The following MDGA2 variants were observed in gnomAD, a reference collection of about 807,000 sequenced individuals.
The protein encoded by MDGA2 is MAM domain containing glycosylphosphatidylinositol anchor 2.
A neutral mutation model predicts 117.8 loss-of-function variants in MDGA2; 40 were observed. The observed-to-expected ratio is 0.34, with a 90% CI of 0.26 to 0.44. MDGA2 has a LOEUF of 0.44. Among genes scored for constraint, MDGA2 ranks in the 20% least tolerant of loss-of-function variants. MDGA2 has a pLI of 1.00. For missense variants in MDGA2, 1,123 were observed against 1,250.6 expected, an observed-to-expected ratio of 0.90 and a Z score of 1.54; for synonymous variants, 452 against 439.0, an observed-to-expected ratio of 1.03 and a Z score of -0.37.
At chr14:47,308,498 G>A (rs1359191204) in intron 1 of MDGA2, among the ~76,000 whole-genome samples, 1 of 107,396 alleles carries the variant, frequency 9.3e-6, no homozygotes. Context: ...CTCTCTTTCT[G>A]TTAGTTTTTT....
In MDGA2 at chr14:47,624,648, G is replaced by T. The variant is rs77335210; in HGVS notation, c.280+49869C>A. Among the ~76,000 whole-genome samples, 51 of 152,176 alleles carry T rather than the reference G, an allele frequency of 3.4e-4. No individual in the cohort carries two copies. In the East Asian group the frequency reaches 9.7e-3, roughly 29 times the overall value. ...TTTTTAAGCTCCAGGCTGTAAGATA[G>T]ATGGCAAATAATTTCCCTATATGCT... On this transcript the variant is annotated intron_variant, in intron 1 of 16. Coordinates refer to ENST00000399232, the MANE Select transcript of MDGA2 (RefSeq NM_001113498.3).
At chr14:47,591,776 C>T (rs1390239660) in intron 1 of MDGA2, among the ~76,000 whole-genome samples, 1 of 152,076 alleles carries the variant, frequency 6.6e-6, no homozygotes, top group Non-Finnish European at 1.5e-5. Context: ...ATTGATGTAA[C>T]ATATGTCAAA....
chr14:47,108,791 A>T (rs1355192982), intron 5 of MDGA2, among the ~76,000 whole-genome samples: 4 of 152,202 alleles, frequency 2.6e-5, no homozygotes, highest in African/African-American at 7.2e-5. Context: ...TTCACTGAAC[A>T]ATATAAATAG....
At chr14:47,152,526 G>T (rs1883201667) in intron 3 of MDGA2, among the ~76,000 whole-genome samples, 1 of 152,096 alleles carries the variant, frequency 6.6e-6, no homozygotes, top group Non-Finnish European at 1.5e-5. Flanking sequence ...TAATTTGCCA[G>T]TATATATGTA....
intron 3 of MDGA2, among the ~76,000 whole-genome samples, chr14:47,170,268 T>TA (rs1261602209): frequency 2.0e-5 from 3 of 152,166 alleles, no homozygotes; most frequent in African/African-American, 7.2e-5. Flanking sequence ...AGAAGGAAAG[T>TA]AAGAAACAGC....
intron 3 of MDGA2, among the ~76,000 whole-genome samples, chr14:47,205,038 T>C (rs982699413): frequency 2.0e-5 from 3 of 151,940 alleles, no homozygotes; most frequent in African/African-American, 7.2e-5. Context: ...GCAAATTTTT[T>C]CAAATGACAA....
At chr14:47,146,499 G>C (rs1327987819) in intron 3 of MDGA2, among the ~76,000 whole-genome samples, 1 of 152,214 alleles carries the variant, frequency 6.6e-6, no homozygotes, top group South Asian at 2.1e-4. Context: ...AAAATGTTTT[G>C]AGATTTTTAA....
At chr14:47,234,326 T>A (rs1205913988) in intron 2 of MDGA2, among the ~76,000 whole-genome samples, 1 of 151,548 alleles carries the variant, frequency 6.6e-6, no homozygotes, top group Non-Finnish European at 1.5e-5. Flanking sequence ...AACCCTCTAG[T>A]ATACAAAATA....
At chr14:47,259,118 G>A (rs777636633) in intron 2 of MDGA2, among the ~76,000 whole-genome samples, 1 of 151,306 alleles carries the variant, frequency 6.6e-6, no homozygotes, top group African/African-American at 2.4e-5. Context: ...GCCCTGGAGC[G>A]TTTTTGTTGT....
At chr14:47,672,797 C>T (rs999049478) in intron 1 of MDGA2, among the ~76,000 whole-genome samples, 8 of 152,208 alleles carry the variant, frequency 5.3e-5, no homozygotes, top group African/African-American at 1.9e-4. Context: ...ATTCCTACAT[C>T]GCTAGAATCC....
At chr14:47,174,719 T>C (rs1027232887) in intron 3 of MDGA2, among the ~76,000 whole-genome samples, 36 of 151,822 alleles carry the variant, frequency 2.4e-4, no homozygotes, top group African/African-American at 8.2e-4. Context: ...ATTGACACCC[T>C]AACATCACAA....
intron 9 of MDGA2, among the ~76,000 whole-genome samples, chr14:46,937,404 A>C (rs974702102): frequency 1.3e-5 from 2 of 152,124 alleles, no homozygotes; most frequent in Admixed American, 1.3e-4. Flanking sequence ...GATTCAATGC[A>C]ATTGCTGTCA....
chr14:47,523,005 T>G (rs1283525783), intron 1 of MDGA2, among the ~76,000 whole-genome samples: 1 of 152,146 alleles, frequency 6.6e-6, no homozygotes, highest in East Asian at 1.9e-4. Flanking sequence ...ATTTCCAAGC[T>G]CCAGATCAAC....
At chr14:47,360,026 G>GA (rs968215773) in intron 1 of MDGA2, among the ~76,000 whole-genome samples, 3 of 151,976 alleles carry the variant, frequency 2.0e-5, no homozygotes, top group African/African-American at 7.2e-5. Context: ...CAACTCAGTA[G>GA]AAAAAAATAA....
intron 1 of MDGA2, among the ~76,000 whole-genome samples, chr14:47,551,099 G>A (rs1171708909): frequency 2.6e-5 from 4 of 152,146 alleles, no homozygotes; most frequent in African/African-American, 9.7e-5. Flanking sequence ...TAATATTAAT[G>A]TATTAGTATA....
intron 2 of MDGA2, among the ~76,000 whole-genome samples, chr14:47,297,778 C>T (rs766608738): frequency 1.3e-5 from 2 of 152,094 alleles, no homozygotes; most frequent in African/African-American, 4.8e-5. Flanking sequence ...ACAACAAATA[C>T]TGAAATTGAT....
chr14:47,280,084 G>A (rs1888427558), intron 2 of MDGA2, among the ~76,000 whole-genome samples: 2 of 151,642 alleles, frequency 1.3e-5, no homozygotes, highest in Admixed American at 1.3e-4. Flanking sequence ...GGAGGCCGAG[G>A]TGGGCAGATC....
intron 2 of MDGA2, among the ~76,000 whole-genome samples, chr14:47,297,577 G>A (rs1010445619): frequency 1.3e-5 from 2 of 151,962 alleles, no homozygotes; most frequent in African/African-American, 4.8e-5. Flanking sequence ...GAATCCTGAA[G>A]CTGTAGACAT....
At chr14:47,119,053 T>C (rs1881485718) in intron 5 of MDGA2, among the ~76,000 whole-genome samples, 1 of 12,060 alleles carries the variant, frequency 8.3e-5, no homozygotes, top group Non-Finnish European at 1.7e-4. Flanking sequence ...ACATATTCTC[T>C]TTTTTTTTTT....
Sources: gnomAD v4.1 joint callset for allele counts (sites outside exome capture counted in the v4.1 genomes callset) on GRCh38, gnomAD v4.1.1 for gene constraint, MANE v1.5 for transcripts, NCBI Gene and HGNC (gene_info 2026-07-23, HGNC 2026-07-21) for gene names.